SLC25A48: variants seen among roughly 807,000 people sequenced by gnomAD.
SLC25A48 encodes the protein solute carrier family 25 member 48, also known as CTC-321K16.1.
A neutral mutation model predicts 32.2 loss-of-function variants in SLC25A48; 29 were observed. The observed-to-expected ratio is 0.90, with a 90% CI of 0.67 to 1.23. SLC25A48 has a LOEUF of 1.23. SLC25A48 is among the 50% of genes most tolerant of loss of function. SLC25A48 has a pLI of 0.00. For missense variants in SLC25A48, 399 were observed against 422.7 expected, an observed-to-expected ratio of 0.94 and a Z score of 0.49; for synonymous variants, 164 against 172.3, an observed-to-expected ratio of 0.95 and a Z score of 0.38.
intron 3 of SLC25A48, among the ~76,000 whole-genome samples, chr5:135,771,989 T>C (rs1237113617): frequency 1.3e-5 from 2 of 151,080 alleles, no homozygotes; most frequent in African/African-American, 4.9e-5. Context: ...ACTCCCAATA[T>C]CATGGGGGCT....
chr5:135,688,764 G>C (rs972030152), intron 3 of SLC25A48, among the ~76,000 whole-genome samples: 1 of 152,174 alleles, frequency 6.6e-6, no homozygotes, highest in African/African-American at 2.4e-5. Context: ...GTGCAGAGGA[G>C]AGTGGTAAAT....
intron 3 of SLC25A48, among the ~76,000 whole-genome samples, chr5:135,730,882 A>G (rs1755204762): frequency 1.3e-5 from 2 of 152,140 alleles, no homozygotes; most frequent in African/African-American, 4.8e-5. Flanking sequence ...AGAGGAGGAA[A>G]CTGAGGTTCA....
chr5:135,657,935 C>T (rs1753294445), intron 3 of SLC25A48, among the ~76,000 whole-genome samples: 1 of 152,194 alleles, frequency 6.6e-6, no homozygotes, highest in African/African-American at 2.4e-5. Flanking sequence ...ATCTAATCCA[C>T]TCCCACCAGG....
intron 5 of SLC25A48, 147 bp from the exon 6 acceptor site, chr5:135,873,874 T>C: frequency 1.2e-6 from 1 of 867,602 alleles, no homozygotes; most frequent in African/African-American, 1.8e-5. Flanking sequence ...CGAGGGAGAA[T>C]CAGAAACAAA....
At chr5:135,717,164 C>T (rs1437020924) in intron 3 of SLC25A48, among the ~76,000 whole-genome samples, 1 of 152,192 alleles carries the variant, frequency 6.6e-6, no homozygotes, top group Non-Finnish European at 1.5e-5. Context: ...ACCTGCTCTT[C>T]CTCAGGGCAG....
intron 3 of SLC25A48, among the ~76,000 whole-genome samples, chr5:135,661,799 C>A (rs1367976497): frequency 1.3e-5 from 2 of 152,074 alleles, no homozygotes; most frequent in African/African-American, 4.8e-5. Flanking sequence ...AATTTTTTGA[C>A]CGTATTAACC....
chr5:135,646,678 T>TATATATATATATATATATACAC (rs966073970), intron 3 of SLC25A48, among the ~76,000 whole-genome samples: 1 of 136,772 alleles, frequency 7.3e-6, no homozygotes, highest in African/African-American at 2.7e-5. Context: ...TATATATATA[T>TATATATATATATATATATACAC]ACAATGGGAA....
At chr5:135,734,877 G>A (rs1755322705) in intron 3 of SLC25A48, among the ~76,000 whole-genome samples, 2 of 151,616 alleles carry the variant, frequency 1.3e-5, no homozygotes, top group South Asian at 4.2e-4. Context: ...CACTGTAAGA[G>A]TTACCCAAAG....
intron 2 of SLC25A48, among the ~76,000 whole-genome samples, chr5:135,632,531 G>C (rs1327268701): frequency 6.6e-6 from 1 of 152,156 alleles, no homozygotes; most frequent in Non-Finnish European, 1.5e-5. Flanking sequence ...AACAGAATGG[G>C]TGTACAAAGT....
chr5:135,588,564 G>A (rs965175135), intron 1 of SLC25A48, among the ~76,000 whole-genome samples: 4 of 152,226 alleles, frequency 2.6e-5, no homozygotes. Flanking sequence ...TTACGGATGC[G>A]AGGATTCCAG....
At chr5:135,729,908 G>A (rs1483604155) in intron 3 of SLC25A48, among the ~76,000 whole-genome samples, 1 of 152,172 alleles carries the variant, frequency 6.6e-6, no homozygotes, top group Non-Finnish European at 1.5e-5. Context: ...AAGGGGTGAT[G>A]TTATACATTC....
rs141180595 is a variant in SLC25A48, at chr5:135,700,089, A to G, written c.-521+65133A>G. On this transcript the variant is annotated intron_variant, in intron 3 of 10. Transcript: ENST00000646290. ...CATGGCCTTGCAGTCCTGCACTTAGAAAATGGTATTGGGCTGAGCACTGTG... is the reference window on the plus strand; with the variant it reads ...CATGGCCTTGCAGTCCTGCACTTAGGAAATGGTATTGGGCTGAGCACTGTG... Among the ~76,000 whole-genome samples the G allele has an allele frequency of 2.6e-5, 4 of 152,248 alleles. No homozygotes were observed. The East Asian group carries it at 7.7e-4, about 29-fold the overall frequency.
chr5:135,767,394 G>A lies in SLC25A48; in HGVS notation c.-520-45129G>A, dbSNP rs116823380. 8.8e-3 allele frequency among the ~76,000 whole-genome samples: 1,335 copies of A among 151,674 alleles called. 9 individuals carry two copies. The highest frequency in any genetic ancestry group is 0.024 in the Middle Eastern group (7 of 290). On this transcript the variant is annotated intron_variant, in intron 3 of 10. Coordinates refer to the SLC25A48 transcript ENST00000646290. ...TAATATTACTCCCCATATTGCGGGC[G>A]GTGCACACACCCCTGTGATATGGTT...
chr5:135,831,210 C>A (rs1032955579), upstream of SLC25A48, among the ~76,000 whole-genome samples: 2 of 152,170 alleles, frequency 1.3e-5, no homozygotes, highest in African/African-American at 4.8e-5. Context: ...GTCCTCACAC[C>A]TGGGAATGAT....
chr5:135,783,542 T>G lies in SLC25A48; in HGVS notation c.-520-28981T>G, dbSNP rs564823453. Among the ~76,000 whole-genome samples, 19 of 118,670 alleles carry G rather than the reference T, an allele frequency of 1.6e-4. 4 individuals are homozygous for G. In the East Asian group the frequency reaches 4.1e-3, roughly 25 times the overall value. 77.9% of individuals were successfully genotyped at this position (118,670 alleles called of 152,430 possible). ...GAAGAGGCTGATATTACTCCCAGTATGGCAGGGGGTGTACACCCCCTGTGT... is the reference window on the plus strand; with the variant it reads ...GAAGAGGCTGATATTACTCCCAGTAGGGCAGGGGGTGTACACCCCCTGTGT... On this transcript the variant is annotated intron_variant, in intron 3 of 10. Coordinates refer to the SLC25A48 transcript ENST00000646290.
At chr5:135,863,032 G>A (rs1367032006) in intron 4 of SLC25A48, among the ~76,000 whole-genome samples, 1 of 152,116 alleles carries the variant, frequency 6.6e-6, no homozygotes, top group East Asian at 1.9e-4. Flanking sequence ...AGATTGATTT[G>A]AAGGCTATAG....
intron 3 of SLC25A48, among the ~76,000 whole-genome samples, chr5:135,696,763 G>A (rs539771148): frequency 6.6e-6 from 1 of 152,192 alleles, no homozygotes; most frequent in South Asian, 2.1e-4. Context: ...GTATGCTCAG[G>A]GCTAGCCTGG....
At chr5:135,818,143 C>T (rs779042925) in intron 4 of SLC25A48, among the ~76,000 whole-genome samples, 9 of 146,106 alleles carry the variant, frequency 6.2e-5, no homozygotes, top group Non-Finnish European at 1.3e-4. Context: ...TTCTTTCTCT[C>T]TCAGCTTTGC....
chr5:135,784,561 G>A (rs1756791003), intron 3 of SLC25A48, among the ~76,000 whole-genome samples: 1 of 117,642 alleles, frequency 8.5e-6, no homozygotes, highest in African/African-American at 2.6e-5. Flanking sequence ...TGCAGAAAGT[G>A]TACACCCACC....
Sources: gnomAD v4.1 joint callset for allele counts (sites outside exome capture counted in the v4.1 genomes callset) on GRCh38, gnomAD v4.1.1 for gene constraint, MANE v1.5 for transcripts, NCBI Gene and HGNC (gene_info 2026-07-23, HGNC 2026-07-21) for gene names.